Variants in GNA14 observed in about 807,000 individuals in gnomAD.
GNA14 encodes G protein subunit alpha 14.
In GNA14, 50 loss-of-function variants were observed where a neutral mutation model predicts 42.0. The ratio of observed to expected loss-of-function variants is 1.19; its 90% CI spans 0.95 to 1.51. The LOEUF is 1.51. Among genes scored for constraint, GNA14 ranks in the 40% most tolerant of loss-of-function variants. The pLI is 0.00. For missense variants in GNA14, 473 were observed against 446.2 expected (o/e 1.06, Z -0.54); for synonymous variants, 173 against 163.1 (o/e 1.06, Z -0.46).
chr9:77,596,542 T>G (rs1393155559), intron 1 of GNA14, among the ~76,000 whole-genome samples: 6 of 152,134 alleles, frequency 3.9e-5, no homozygotes, highest in Non-Finnish European at 5.9e-5. Context: ...TGGTGTGATA[T>G]GGCATAGACT....
chr9:77,548,816 T>C (rs1238940023), intron 1 of GNA14, among the ~76,000 whole-genome samples: 3 of 152,236 alleles, frequency 2.0e-5, no homozygotes, highest in Non-Finnish European at 4.4e-5. Flanking sequence ...TGCACCCATG[T>C]GGCAGCATCA....
intron 1 of GNA14, among the ~76,000 whole-genome samples, chr9:77,538,879 TA>T (rs764748594): frequency 3.3e-5 from 5 of 152,206 alleles, no homozygotes; most frequent in Non-Finnish European, 5.9e-5. Flanking sequence ...TTATAGATTA[TA>T]ACATTTCAAA....
chr9:77,545,672 G>A (rs911839279), intron 1 of GNA14, among the ~76,000 whole-genome samples: 1 of 152,126 alleles, frequency 6.6e-6, no homozygotes, highest in Non-Finnish European at 1.5e-5. Context: ...CTGTAGACCT[G>A]CTGATTCCCT....
chr9:77,578,678 T>C (rs1823167360), intron 1 of GNA14, among the ~76,000 whole-genome samples: 2 of 152,204 alleles, frequency 1.3e-5, no homozygotes, highest in Admixed American at 1.3e-4. Context: ...TTAGAGACTG[T>C]CCTTGAAACA....
At chr9:77,541,996 T>C (rs534003713) in intron 1 of GNA14, among the ~76,000 whole-genome samples, 1 of 152,328 alleles carries the variant, frequency 6.6e-6, no homozygotes. Context: ...TGAGCTTCTT[T>C]AAAATCAGTA....
In GNA14 at chr9:77,580,534, A is replaced by G. The variant is rs113734635; in HGVS notation, c.125-51281T>C. 9.8e-3 allele frequency: 4,556 copies of G among 467,152 alleles called. 42 individuals carry two copies. Among genetic ancestry groups the G allele is most frequent in the Non-Finnish European group, 0.015 (3,540 of 238,286 alleles). 28.9% of individuals were successfully genotyped at this position (467,152 alleles called of 1,614,324 possible). ...GCTTAAGGTAGATGAAGACCCCATC[A>G]TCGGGTTCCACCAGATGTTCCTATT... On this transcript the variant is annotated intron_variant, in intron 1 of 6. Transcript: ENST00000341700.
At chr9:77,487,061 A>T (rs1836674137) in intron 2 of GNA14, among the ~76,000 whole-genome samples, 1 of 151,734 alleles carries the variant, frequency 6.6e-6, no homozygotes, top group African/African-American at 2.4e-5. Context: ...CAATAAAGTG[A>T]AGCAGCATAG....
intron 2 of GNA14, among the ~76,000 whole-genome samples, chr9:77,493,831 T>C (rs1587798114): frequency 1.3e-5 from 2 of 152,232 alleles, no homozygotes; most frequent in Admixed American, 1.3e-4. Flanking sequence ...GAAGTATGAC[T>C]TTAGCTGAAT....
chr9:77,583,665 C>T (rs982653566), intron 1 of GNA14, among the ~76,000 whole-genome samples: 1 of 152,166 alleles, frequency 6.6e-6, no homozygotes, highest in Non-Finnish European at 1.5e-5. Context: ...AAGCTTTCAG[C>T]CCTCTAACCG....
At chr9:77,630,210 T>C (rs1824076330) in intron 1 of GNA14, among the ~76,000 whole-genome samples, 1 of 151,834 alleles carries the variant, frequency 6.6e-6, no homozygotes, top group Non-Finnish European at 1.5e-5. Context: ...TTCAACTTCC[T>C]GGGCTCAAGT....
chr9:77,512,147 A>C (rs1837181490), intron 2 of GNA14, among the ~76,000 whole-genome samples: 1 of 151,872 alleles, frequency 6.6e-6, no homozygotes, highest in Admixed American at 6.6e-5. Flanking sequence ...CCAGACCCAG[A>C]AGCACAGGCA....
chr9:77,593,356 CT>C (rs1823417852), intron 1 of GNA14, among the ~76,000 whole-genome samples: 1 of 133,020 alleles, frequency 7.5e-6, no homozygotes, highest in Non-Finnish European at 1.5e-5. Context: ...GAAACGGAGT[CT>C]CACTCTATTG....
At chr9:77,437,922 C>CT (rs1835665580) in intron 2 of GNA14, among the ~76,000 whole-genome samples, 1 of 152,222 alleles carries the variant, frequency 6.6e-6, no homozygotes, top group Admixed American at 6.5e-5. Flanking sequence ...CAGATCCTGA[C>CT]TGATACACGT....
intron 1 of GNA14, among the ~76,000 whole-genome samples, chr9:77,592,106 G>A (rs1242791944): frequency 6.6e-6 from 1 of 151,910 alleles, no homozygotes; most frequent in East Asian, 1.9e-4. Context: ...AATAGAGACG[G>A]GGTTTCACAG....
At chr9:77,445,143 A>C (rs547203781) in intron 2 of GNA14, among the ~76,000 whole-genome samples, 1 of 152,182 alleles carries the variant, frequency 6.6e-6, no homozygotes. Context: ...AAGGGGCTAC[A>C]TCTTCCCTTT....
intron 2 of GNA14, among the ~76,000 whole-genome samples, chr9:77,515,893 G>A (rs1181048711): frequency 6.9e-6 from 1 of 145,470 alleles, no homozygotes; most frequent in African/African-American, 2.6e-5. Context: ...CTGGGAGGTC[G>A]AGGTTGCAGT....
intron 2 of GNA14, 77 bp downstream of exon 2, chr9:77,528,992 C>T: frequency 8.0e-7 from 1 of 1,246,516 alleles, no homozygotes; most frequent in Non-Finnish European, 1.2e-6. Context: ...GACCAAAGCA[C>T]TGAGGGAATC....
At chr9:77,437,576 G>A (rs1157742393) in intron 2 of GNA14, among the ~76,000 whole-genome samples, 1 of 150,232 alleles carries the variant, frequency 6.7e-6, no homozygotes, top group Non-Finnish European at 1.5e-5. Context: ...GAGAGAGAGA[G>A]AGAGGAAGGG....
chr9:77,499,638 G>A (rs1171279261), intron 2 of GNA14, among the ~76,000 whole-genome samples: 1 of 152,044 alleles, frequency 6.6e-6, no homozygotes, highest in Non-Finnish European at 1.5e-5. Context: ...ATCAGCTGAG[G>A]CCAGGAGTTC....
Sources: allele counts gnomAD v4.1 joint callset (sites outside exome capture counted in the v4.1 genomes callset), GRCh38; gene constraint gnomAD v4.1.1; transcripts MANE v1.5; gene names NCBI Gene and HGNC (gene_info 2026-07-23, HGNC 2026-07-21).